SSUH2: variants seen among roughly 807,000 people sequenced by gnomAD.
SSUH2 encodes protein SSUH2 homolog.
In SSUH2, 47 loss-of-function variants were observed where a neutral mutation model predicts 55.3. That is an observed-to-expected ratio of 0.85 (90% CI 0.67 to 1.08). The LOEUF is 1.08. Among genes scored for constraint, SSUH2 ranks in the 50% least tolerant of loss-of-function variants. The pLI is 0.00. For missense variants in SSUH2, 535 were observed against 490.7 expected, an observed-to-expected ratio of 1.09 and a Z score of -0.85; for synonymous variants, 212 against 191.5, an observed-to-expected ratio of 1.11 and a Z score of -0.89.
At position 8,641,715 on chromosome 3, in the gene SSUH2, G is replaced by A. The variant is rs147448025; in HGVS notation, c.28+3016C>T. Among the ~76,000 whole-genome samples, 579 of 152,336 alleles carry A rather than the reference G, an allele frequency of 3.8e-3. 8 individuals are homozygous for A. The highest frequency in any genetic ancestry group is 0.013 in the African/African-American group (546 of 41,576). On this transcript the variant is annotated intron_variant, in intron 1 of 11. Coordinates refer to ENST00000544814, the MANE Select transcript of SSUH2 (RefSeq NM_001256748.3). ...CCGGTGGCTGTGCCTCCATCCACGG[G>A]ATGTGTGAAAAACACTGAGATCCCC...
At chr3:8,642,925 A>G (rs1240992864) in intron 1 of SSUH2, among the ~76,000 whole-genome samples, 1 of 152,170 alleles carries the variant, frequency 6.6e-6, no homozygotes, top group African/African-American at 2.4e-5. Flanking sequence ...GTGAACCCCA[A>G]GTGCTCACCT....
chr3:8,671,088 C>T, exon 5 of SSUH2: 1 of 285,138 alleles, frequency 3.5e-6, no homozygotes, highest in Non-Finnish European at 7.9e-6. Context: ...TAGTGAAGTC[C>T]CGCTAGGATA....
At chr3:8,678,933 C>CCCTCTTCCCCTCCTGGCTCTTGGG (rs1705691261) in intron 2 of SSUH2, among the ~76,000 whole-genome samples, 1 of 111,080 alleles carries the variant, frequency 9.0e-6, no homozygotes, top group East Asian at 2.4e-4. Context: ...GAGAGCCAGC[C>CCCTCTTCCCCTCCTGGCTCTTGGG]ACTCTTCCCC....
intron 3 of SSUH2, among the ~76,000 whole-genome samples, chr3:8,673,168 CTTA>C (rs1224758297): frequency 4.0e-5 from 6 of 151,878 alleles, no homozygotes; most frequent in African/African-American, 9.7e-5. Flanking sequence ...ATCAATATCA[CTTA>C]TTAATACCAG....
At chr3:8,644,623 T>C in intron 1 of SSUH2, 108 bp downstream of exon 1, 1 of 984,780 alleles carries the variant, frequency 1.0e-6, no homozygotes, top group Admixed American at 2.0e-5. Context: ...TAGAAAAGAC[T>C]ATGGATACAT....
chr3:8,665,860 T>G (rs1703944358), intron 5 of SSUH2, among the ~76,000 whole-genome samples: 5 of 152,208 alleles, frequency 3.3e-5, no homozygotes, highest in Admixed American at 2.6e-4. Context: ...AAAGTGGCCA[T>G]TAGAACACAA....
rs375587358 is a variant in SSUH2, at chr3:8,630,790, C to T, written c.525+15G>A. 2.3e-5 allele frequency: 32 copies of T among 1,375,792 alleles called. No homozygotes were observed. Among genetic ancestry groups the T allele is most frequent in the Middle Eastern group, 1.9e-4 (1 of 5,138 alleles). 85.2% of individuals were successfully genotyped at this position (1,375,792 alleles called of 1,614,324 possible). On this transcript the variant is annotated intron_variant, in intron 6 of 11. Coordinates refer to ENST00000544814, the MANE Select transcript of SSUH2 (RefSeq NM_001256748.3). Reference sequence around the variant, plus strand: ...AGAAGGGCAAGTATTCCAGTAATCGCGTTAATCGTATTACCTTGACCAGTG... The same window carrying T: ...AGAAGGGCAAGTATTCCAGTAATCGTGTTAATCGTATTACCTTGACCAGTG...
intron 8 of SSUH2, among the ~76,000 whole-genome samples, chr3:8,626,537 G>GCCCC (rs58662232): frequency 2.1e-4 from 23 of 107,640 alleles, no homozygotes; most frequent in South Asian, 1.2e-3. Flanking sequence ...TCTAGGGCCT[G>GCCCC]CCCCCCCCCC....
At chr3:8,647,748 C>G (rs993345910), upstream of SSUH2, among the ~76,000 whole-genome samples, 3 of 152,206 alleles carry the variant, frequency 2.0e-5, no homozygotes, top group African/African-American at 7.2e-5. Flanking sequence ...CACAACCCAA[C>G]CGAACCCAGA....
chr3:8,629,610 A>AT, intron 7 of SSUH2, 54 bp downstream of exon 7: 1 of 1,589,496 alleles, frequency 6.3e-7, no homozygotes, highest in Non-Finnish European at 8.6e-7. Flanking sequence ...TGTCCCCAGG[A>AT]TCCCCCGGCC....
intron 10 of SSUH2, among the ~76,000 whole-genome samples, chr3:8,624,774 CTGGGTG>C (rs1697180434): frequency 1.3e-5 from 2 of 152,198 alleles, no homozygotes; most frequent in African/African-American, 4.8e-5. Flanking sequence ...AGGCAGTGGG[CTGGGTG>C]TGCCAACTCC....
At chr3:8,650,309 T>C (rs1280703380) in intron 7 of SSUH2, among the ~76,000 whole-genome samples, 1 of 152,258 alleles carries the variant, frequency 6.6e-6, no homozygotes, top group Admixed American at 6.5e-5. Flanking sequence ...TGTCATAATC[T>C]GGATGTAGGC....
intron 7 of SSUH2, among the ~76,000 whole-genome samples, chr3:8,652,978 C>G (rs1702576278): frequency 1.3e-5 from 2 of 152,230 alleles, no homozygotes; most frequent in South Asian, 4.1e-4. Flanking sequence ...TCCTGGGGAT[C>G]GGCTACCTAA....
At position 8,633,656 on chromosome 3, in the gene SSUH2, G is replaced by C. The variant is rs1327278773; in HGVS notation, c.339+10C>G. 6.6e-7 allele frequency: 1 copy of C among 1,508,680 alleles called. No homozygotes were observed. Among genetic ancestry groups the C allele is most frequent in the African/African-American group, 1.4e-5 (1 of 71,490 alleles). The allele number at this position is 1,508,680 out of a possible 1,614,324, so 93.5% of individuals were successfully genotyped here. On this transcript the variant is annotated intron_variant, in intron 4 of 11. Transcript: ENST00000544814. ...CCGGCCAAGGCCCCCCACCGGCCCT[G>C]GCCTCTCACCCTGCAGAGGGTCTGC...
intron 7 of SSUH2, among the ~76,000 whole-genome samples, chr3:8,654,497 T>C (rs1346310804): frequency 6.6e-6 from 1 of 152,268 alleles, no homozygotes; most frequent in Non-Finnish European, 1.5e-5. Context: ...AATTGTCTCC[T>C]ACTTCCCTGC....
At chr3:8,635,088 T>A (rs554440042) in intron 3 of SSUH2, among the ~76,000 whole-genome samples, 1 of 152,330 alleles carries the variant, frequency 6.6e-6, no homozygotes, top group Admixed American at 6.5e-5. Context: ...ATCTAGACTA[T>A]GGTTTTCAAC....
intron 8 of SSUH2, 82 bp downstream of exon 8, chr3:8,627,616 C>T: frequency 8.3e-7 from 1 of 1,204,114 alleles, no homozygotes; most frequent in Non-Finnish European, 1.2e-6. Flanking sequence ...CAGATGGGTT[C>T]CTGTTTGCCT....
At chr3:8,652,386 C>T (rs751469187) in intron 7 of SSUH2, among the ~76,000 whole-genome samples, 3 of 152,198 alleles carry the variant, frequency 2.0e-5, no homozygotes, top group Non-Finnish European at 4.4e-5. Context: ...ATCCACAAGT[C>T]AAGCAAACCT....
chr3:8,675,897 T>A (rs1705199111), intron 3 of SSUH2, among the ~76,000 whole-genome samples: 1 of 152,126 alleles, frequency 6.6e-6, no homozygotes, highest in Non-Finnish European at 1.5e-5. Flanking sequence ...GCAGCTGGAC[T>A]TTTAACCCAA....
Sources: gnomAD v4.1 joint callset for allele counts (sites outside exome capture counted in the v4.1 genomes callset) on GRCh38, gnomAD v4.1.1 for gene constraint, MANE v1.5 for transcripts, NCBI Gene and HGNC (gene_info 2026-07-23, HGNC 2026-07-21) for gene names.